ACOXL: variants seen among roughly 807,000 people sequenced by gnomAD.
The protein encoded by ACOXL is acyl-coenzyme A oxidase-like protein.
Under a neutral mutation model 71.9 loss-of-function variants are expected in ACOXL, and 70 were observed. The ratio of observed to expected loss-of-function variants is 0.97; its 90% confidence interval spans 0.80 to 1.19. ACOXL has a LOEUF of 1.19. Ranked by LOEUF, ACOXL falls within the 50% of genes most tolerant of loss-of-function variation. The pLI, the probability that ACOXL is intolerant of heterozygous loss-of-function variation, is 0.00. For missense variants in ACOXL, 703 were observed against 736.3 expected (o/e 0.95, Z 0.52); for synonymous variants, 253 against 281.6 (o/e 0.90, Z 1.02).
intron 16 of ACOXL, among the ~76,000 whole-genome samples, chr2:111,080,544 A>T (rs1015822158): frequency 1.3e-5 from 2 of 152,170 alleles, no homozygotes; most frequent in African/African-American, 4.8e-5. Context: ...CTATCAACCA[A>T]AAAAAGCCCA....
chr2:111,118,057 G>A lies in ACOXL; in HGVS notation c.*241G>A. 3.4e-6 allele frequency: 2 copies of A among 587,454 alleles called. No homozygotes were observed. Among genetic ancestry groups the A allele is most frequent in the South Asian group, 2.0e-5 (1 of 49,276 alleles). 36.4% of individuals were successfully genotyped at this position (587,454 alleles called of 1,614,324 possible). A position where few individuals can be genotyped will look rare whatever the true frequency, so the allele number is the denominator to read the frequency against. ...GTGCCCTTTCCCTGAAACCCAGCCT[G>A]GCCTGACTGCAACCTCTCCCAACTT... On this transcript the variant is annotated 3_prime_UTR_variant, in exon 18 of 18. Transcript: ENST00000439055.
intron 9 of ACOXL, among the ~76,000 whole-genome samples, chr2:110,817,003 C>A (rs1463616560): frequency 1.3e-5 from 2 of 152,154 alleles, no homozygotes; most frequent in Non-Finnish European, 2.9e-5. Context: ...CTTATTCCAG[C>A]CCCAGGTGTT....
chr2:111,090,551 C>T (rs963066880), intron 16 of ACOXL, among the ~76,000 whole-genome samples: 1 of 152,068 alleles, frequency 6.6e-6, no homozygotes, highest in African/African-American at 2.4e-5. Flanking sequence ...AAAACGTGGC[C>T]CTGAGAATCA....
At chr2:110,786,115 G>A (rs1389210315) in intron 3 of ACOXL, among the ~76,000 whole-genome samples, 1 of 152,146 alleles carries the variant, frequency 6.6e-6, no homozygotes, top group South Asian at 2.1e-4. Context: ...CCTTCATGGG[G>A]CCCTCCTTTC....
At chr2:111,069,145 C>CTTTTTTTTTTT (rs1234410019) in intron 16 of ACOXL, among the ~76,000 whole-genome samples, 5 of 135,310 alleles carry the variant, frequency 3.7e-5, no homozygotes, top group Non-Finnish European at 3.2e-5. Context: ...TCTTCTTTTT[C>CTTTTTTTTTTT]TTTTTTTTTT....
chr2:110,869,630 C>T (rs756842564), intron 10 of ACOXL, among the ~76,000 whole-genome samples: 7 of 152,206 alleles, frequency 4.6e-5, no homozygotes, highest in African/African-American at 1.7e-4. Context: ...CCTGCAAGCC[C>T]TGTGCTTGCC....
At chr2:110,908,963 A>G in intron 11 of ACOXL, 58 bp downstream of exon 11, 1 of 1,274,422 alleles carries the variant, frequency 7.8e-7, no homozygotes, top group Non-Finnish European at 1.1e-6. Context: ...TGGCATGAGT[A>G]AGAATTCAGA....
At chr2:110,855,783 C>T (rs768783339) in intron 10 of ACOXL, among the ~76,000 whole-genome samples, 4 of 152,186 alleles carry the variant, frequency 2.6e-5, no homozygotes, top group South Asian at 2.1e-4. Context: ...AGAATGAAGC[C>T]GCGGACCTTC....
chr2:110,818,670 C>A (rs1688254873), intron 9 of ACOXL, among the ~76,000 whole-genome samples: 1 of 151,872 alleles, frequency 6.6e-6, no homozygotes, highest in African/African-American at 2.4e-5. Flanking sequence ...GACATGACCC[C>A]ATTTTTACGT....
chr2:110,980,211 C>T (rs551805029), intron 12 of ACOXL, among the ~76,000 whole-genome samples: 1 of 152,238 alleles, frequency 6.6e-6, no homozygotes, highest in African/African-American at 2.4e-5. Context: ...CTTACAGTTA[C>T]TCCTGTAGAG....
At chr2:110,957,930 C>T (rs1051328451) in intron 12 of ACOXL, among the ~76,000 whole-genome samples, 1 of 151,470 alleles carries the variant, frequency 6.6e-6, no homozygotes, top group Non-Finnish European at 1.5e-5. Context: ...TGGTGGCGGG[C>T]GACTGTAATC....
At chr2:110,818,263 A>G (rs992034372) in intron 9 of ACOXL, among the ~76,000 whole-genome samples, 3 of 151,542 alleles carry the variant, frequency 2.0e-5, no homozygotes, top group African/African-American at 7.3e-5. Flanking sequence ...GTGGTATGGC[A>G]TGCGCCTATA....
At chr2:110,983,473 A>G (rs181963862) in intron 12 of ACOXL, among the ~76,000 whole-genome samples, 20 of 152,316 alleles carry the variant, frequency 1.3e-4, no homozygotes, top group African/African-American at 4.8e-4. Context: ...TTTTAAAAGA[A>G]AAGACATGGA....
At chr2:110,757,988 T>C (rs537254542) in intron 1 of ACOXL, among the ~76,000 whole-genome samples, 2 of 152,326 alleles carry the variant, frequency 1.3e-5, no homozygotes, top group South Asian at 4.1e-4. Flanking sequence ...CTGAATGATA[T>C]TCCCTAGATT....
intron 2 of ACOXL, among the ~76,000 whole-genome samples, chr2:110,773,556 C>T (rs1041709425): frequency 6.6e-6 from 1 of 152,198 alleles, no homozygotes; most frequent in Non-Finnish European, 1.5e-5. Context: ...GCTGTACTCC[C>T]CCACCCATCC....
intron 15 of ACOXL, among the ~76,000 whole-genome samples, chr2:111,045,889 G>A (rs1018392220): frequency 6.6e-6 from 1 of 152,220 alleles, no homozygotes; most frequent in African/African-American, 2.4e-5. Flanking sequence ...GGACTGAAGT[G>A]TGGCCTTGTG....
chr2:110,915,783 T>G (rs1389472419), intron 11 of ACOXL, among the ~76,000 whole-genome samples: 1 of 152,040 alleles, frequency 6.6e-6, no homozygotes, highest in Non-Finnish European at 1.5e-5. Flanking sequence ...TGATAAGGAT[T>G]TTTTGTGTCT....
rs146848293 is a variant in ACOXL, at chr2:110,788,100, A to G, written c.159+3285A>G. Among the ~76,000 whole-genome samples the G allele has an allele frequency of 9.6e-4, 146 of 152,354 alleles. 1 individual carries two copies. The highest frequency in any genetic ancestry group is 3.3e-3 in the African/African-American group (139 of 41,590). ...GGTTGTTTCTCAAAAAGTAGGACAT[A>G]AAAATTACCATACAGCCCAGCATTC... On this transcript the variant is annotated intron_variant, in intron 3 of 17. Coordinates refer to ENST00000439055, the MANE Select transcript of ACOXL (RefSeq NM_001142807.4).
At chr2:110,762,950 C>T (rs1205924466) in intron 1 of ACOXL, among the ~76,000 whole-genome samples, 4 of 152,136 alleles carry the variant, frequency 2.6e-5, no homozygotes, top group Admixed American at 6.6e-5. Context: ...ACCCACTGCC[C>T]CTGGCCAAAT....
Sources: allele counts gnomAD v4.1 joint callset (sites outside exome capture counted in the v4.1 genomes callset), GRCh38; gene constraint gnomAD v4.1.1; transcripts MANE v1.5; gene names NCBI Gene and HGNC (gene_info 2026-07-23, HGNC 2026-07-21).